DPP6: variants seen among roughly 807,000 people sequenced by gnomAD.
DPP6 encodes dipeptidyl peptidase like 6, also known as A-type potassium channel modulatory protein DPP6.
Under a neutral mutation model 122.6 loss-of-function variants are expected in DPP6, and 69 were observed. That is an observed-to-expected ratio of 0.56 (90% confidence interval 0.46 to 0.69). The LOEUF is 0.69. DPP6 is among the 30% of genes least tolerant of loss of function. The pLI is 0.00. For synonymous variants in DPP6, 418 were observed against 433.1 expected (o/e 0.97, Z 0.43); for missense variants, 928 against 1,116.9 (o/e 0.83, Z 2.41).
the DPP6 span, among the ~76,000 whole-genome samples, chr7:153,855,359 A>G: frequency 2.0e-5 from 3 of 152,320 alleles, no homozygotes; most frequent in South Asian, 4.1e-4. Context: ...TAACTTATAC[A>G]AACAAGGGAG....
At chr7:154,533,857 G>A (rs1367697624) in intron 3 of DPP6, among the ~76,000 whole-genome samples, 1 of 151,992 alleles carries the variant, frequency 6.6e-6, no homozygotes, top group Non-Finnish European at 1.5e-5. Flanking sequence ...AATTAGCCAG[G>A]CATGGTGGCA....
At chr7:153,929,389 G>A (rs956692812) in intron 1 of DPP6, among the ~76,000 whole-genome samples, 1 of 152,076 alleles carries the variant, frequency 6.6e-6, no homozygotes, top group Non-Finnish European at 1.5e-5. Flanking sequence ...GAAAGCTGTG[G>A]GAGAAGCGGT....
At chr7:154,640,355 C>T (rs1835996292) in intron 6 of DPP6, among the ~76,000 whole-genome samples, 1 of 152,210 alleles carries the variant, frequency 6.6e-6, no homozygotes, top group Admixed American at 6.5e-5. Flanking sequence ...ACTACTTTCT[C>T]TTCCTAGGGT....
chr7:154,330,274 C>T (rs990602537), intron 1 of DPP6, among the ~76,000 whole-genome samples: 1 of 152,148 alleles, frequency 6.6e-6, no homozygotes, highest in Non-Finnish European at 1.5e-5. Flanking sequence ...AAATTGAGAT[C>T]ACCACAGATG....
At position 154,880,960 on chromosome 7, in the gene DPP6, TGGTCTGAAA is replaced by T. The variant is rs777541051; in HGVS notation, c.2133+19_2133+27del. On this transcript the variant is annotated intron_variant, in intron 21 of 25. Transcript: ENST00000377770. ...TTGGGAAGGTGAGTCTGCGCCACCC[TGGTCTGAAA>T]ACCCCTCAGTTCCAGTGTGGCCTGC... 2 of 1,613,614 alleles carry T rather than the reference TGGTCTGAAA, an allele frequency of 1.2e-6. No homozygotes were observed. The highest frequency in any genetic ancestry group is 2.2e-5 in the South Asian group (2 of 91,034).
rs892713927 is a variant in DPP6, at chr7:154,480,972, A to C, written c.457+5935A>C. 2.0e-5 allele frequency among the ~76,000 whole-genome samples: 3 copies of C among 152,032 alleles called. No homozygotes were observed. The South Asian group carries it at 6.2e-4, about 31-fold the overall frequency. ...CCTGCCAGCTCTGCCTTCAGAACAC[A>C]CGTGCCCATCCTAGCCTCCACGTGA... is the stretch of plus-strand genomic sequence containing the variant. On this transcript the variant is annotated intron_variant, in intron 3 of 25. Coordinates refer to ENST00000377770, the MANE Select transcript of DPP6 (RefSeq NM_130797.4).
intron 1 of DPP6, among the ~76,000 whole-genome samples, chr7:154,009,115 T>G (rs1014932342): frequency 4.3e-5 from 4 of 92,318 alleles, no homozygotes; most frequent in African/African-American, 1.8e-4. Flanking sequence ...ACCTTTTTTT[T>G]TGGAAGCTGA....
intron 6 of DPP6, among the ~76,000 whole-genome samples, chr7:154,641,286 C>T (rs937002): frequency 0.47 from 71,566 of 152,000 alleles, 16,847 homozygotes; most frequent in Middle Eastern, 0.52. Flanking sequence ...ACATACCAAG[C>T]TTCCAAAAAT....
chr7:154,377,389 C>T (rs138932656), intron 1 of DPP6, among the ~76,000 whole-genome samples: 1 of 152,226 alleles, frequency 6.6e-6, no homozygotes, highest in East Asian at 1.9e-4. Context: ...GGACCAGTAT[C>T]GTACCAGTGC....
the DPP6 span, among the ~76,000 whole-genome samples, chr7:153,813,399 C>A: frequency 1.3e-5 from 2 of 151,702 alleles, no homozygotes; most frequent in Admixed American, 6.6e-5. Context: ...TATATATGTG[C>A]CACATTTTCT....
intron 3 of DPP6, among the ~76,000 whole-genome samples, chr7:154,484,425 C>T (rs533459755): frequency 6.6e-6 from 1 of 152,354 alleles, no homozygotes; most frequent in South Asian, 2.1e-4. Flanking sequence ...AAGCCCCATG[C>T]CCTGTGCTCT....
intron 1 of DPP6, among the ~76,000 whole-genome samples, chr7:154,385,835 A>G (rs541488126): frequency 6.6e-6 from 1 of 152,272 alleles, no homozygotes. Context: ...CTGAGGGGTC[A>G]TTGCTAGGCA....
chr7:154,212,384 A>C (rs1255972397), intron 1 of DPP6, among the ~76,000 whole-genome samples: 1 of 151,884 alleles, frequency 6.6e-6, no homozygotes. Context: ...TAAATGAAAA[A>C]TAAATGAGGC....
In DPP6 at chr7:154,754,984, G is replaced by A. The variant is rs117060773; in HGVS notation, c.884-14433G>A. On this transcript the variant is annotated intron_variant, in intron 8 of 25. Coordinates refer to ENST00000377770, the MANE Select transcript of DPP6 (RefSeq NM_130797.4). ...TACACTAGGGCCTGTCTGTGGGTGG[G>A]CGGAAAGAAGAGGGAGAGCATTAGG... is the stretch of plus-strand genomic sequence containing the variant. 2.0e-5 allele frequency among the ~76,000 whole-genome samples: 3 copies of A among 152,070 alleles called. No homozygotes were observed. The East Asian group carries it at 5.8e-4, about 29-fold the overall frequency.
Position 154,594,595 on chromosome 7 carries a change from A to G in DPP6, c.627+27679A>G, listed in dbSNP as rs182528666. On this transcript the variant is annotated intron_variant, in intron 5 of 25. Coordinates refer to ENST00000377770, the MANE Select transcript of DPP6 (RefSeq NM_130797.4). Reference sequence around the variant, plus strand: ...CTCTCTGATTGTTTGCCATCTAATCATATCCACTCTTATGTTTTTATTTAA... The same window carrying G: ...CTCTCTGATTGTTTGCCATCTAATCGTATCCACTCTTATGTTTTTATTTAA... Among the ~76,000 whole-genome samples, 220 of 152,238 alleles carry G rather than the reference A, an allele frequency of 1.4e-3. 2 individuals carry two copies. Among genetic ancestry groups the G allele is most frequent in the African/African-American group, 5.1e-3 (213 of 41,542 alleles).
At chr7:154,022,894 C>T (rs1194410047) in intron 1 of DPP6, among the ~76,000 whole-genome samples, 1 of 152,154 alleles carries the variant, frequency 6.6e-6, no homozygotes, top group Non-Finnish European at 1.5e-5. Context: ...GCGGGGAGAA[C>T]CCAACTGCCA....
chr7:154,207,130 C>G (rs1799491075), intron 1 of DPP6, among the ~76,000 whole-genome samples: 1 of 91,538 alleles, frequency 1.1e-5, no homozygotes, highest in Admixed American at 1.3e-4. Context: ...TTGTTGTTGG[C>G]AAAGCCACAT....
chr7:153,987,523 T>C (rs1375383127), intron 1 of DPP6, among the ~76,000 whole-genome samples: 2 of 152,028 alleles, frequency 1.3e-5, no homozygotes, highest in Admixed American at 6.6e-5. Flanking sequence ...TTCACACATA[T>C]AATTTACAGA....
chr7:154,370,234 C>T (rs1403173143), intron 1 of DPP6, among the ~76,000 whole-genome samples: 2 of 152,102 alleles, frequency 1.3e-5, no homozygotes, highest in Non-Finnish European at 2.9e-5. Flanking sequence ...CTGCCTGCCT[C>T]GGCCTCCCAA....
Sources: allele counts gnomAD v4.1 joint callset (sites outside exome capture counted in the v4.1 genomes callset), GRCh38; gene constraint gnomAD v4.1.1; transcripts MANE v1.5; gene names NCBI Gene and HGNC (gene_info 2026-07-23, HGNC 2026-07-21).